SH3PXD2A: variants seen among roughly 807,000 people sequenced by gnomAD.
SH3PXD2A encodes the protein SH3 and PX domains 2A, also known as SH3 and PX domain-containing protein 2A.
A neutral mutation model predicts 115.2 loss-of-function variants in SH3PXD2A; 32 were observed. That is an observed-to-expected ratio of 0.28 (90% CI 0.21 to 0.37). The LOEUF (loss-of-function observed/expected upper bound fraction) is 0.37. Ranked by LOEUF, SH3PXD2A falls within the 10% of genes least tolerant of loss-of-function variation. SH3PXD2A has a pLI of 1.00. For missense variants in SH3PXD2A, 1,328 were observed against 1,498.7 expected (o/e 0.89, Z 1.88); for synonymous variants, 610 against 629.1 (o/e 0.97, Z 0.45).
chr10:103,727,940 GC>G (rs2038262608), intron 4 of SH3PXD2A, among the ~76,000 whole-genome samples: 1 of 152,256 alleles, frequency 6.6e-6, no homozygotes, highest in Admixed American at 6.5e-5. Flanking sequence ...AGTCCCCGCA[GC>G]CTGGGCTGGT....
intron 3 of SH3PXD2A, among the ~76,000 whole-genome samples, chr10:103,739,357 T>G (rs554119407): frequency 1.1e-4 from 16 of 152,348 alleles, no homozygotes; most frequent in African/African-American, 3.6e-4. Context: ...CAGCTGAGTT[T>G]TTGGAAGCCC....
In SH3PXD2A at chr10:103,784,673, G is replaced by C. The variant is rs2134244664; in HGVS notation, c.153+16609C>G. Among the ~76,000 whole-genome samples the C allele has an allele frequency of 6.6e-6, 1 of 152,198 alleles. No individual in the cohort carries two copies. The highest frequency in any genetic ancestry group is 1.5e-5 in the Non-Finnish European group (1 of 68,000). On this transcript the variant is annotated intron_variant, in intron 2 of 14. Transcript: ENST00000369774. This position sits in a 1 kb window ranked among gnomAD's most constrained non-coding sequence, Gnocchi z 4.4. ...GCAGGACAGTCCCAGTAAAAACTCG[G>C]GGGGTGCAGTGAGGAGGCAGGAGGA...
At chr10:103,820,728 A>C (rs2039370995) in intron 1 of SH3PXD2A, among the ~76,000 whole-genome samples, 1 of 150,228 alleles carries the variant, frequency 6.7e-6, no homozygotes, top group East Asian at 2.0e-4. Flanking sequence ...CCCCCAGATA[A>C]GGGGCGGGGG....
At chr10:103,686,745 A>ATTTTTTT (rs760028346) in intron 6 of SH3PXD2A, among the ~76,000 whole-genome samples, 1 of 128,574 alleles carries the variant, frequency 7.8e-6, no homozygotes. Flanking sequence ...TTGCTGGGGA[A>ATTTTTTT]TTTTTTTTTT....
At chr10:103,718,166 T>C (rs948815518) in intron 5 of SH3PXD2A, among the ~76,000 whole-genome samples, 1 of 151,956 alleles carries the variant, frequency 6.6e-6, no homozygotes, top group African/African-American at 2.4e-5. Flanking sequence ...CCACCATGCC[T>C]GGCTCATTTT....
At chr10:103,660,517 C>A (rs2037279167) in intron 8 of SH3PXD2A, among the ~76,000 whole-genome samples, 1 of 152,156 alleles carries the variant, frequency 6.6e-6, no homozygotes, top group African/African-American at 2.4e-5. Context: ...GCAGGCCTGG[C>A]CCTTCCACAA....
chr10:103,776,439 T>C (rs1257765955), intron 2 of SH3PXD2A, among the ~76,000 whole-genome samples: 1 of 102,942 alleles, frequency 9.7e-6, no homozygotes, highest in Non-Finnish European at 2.1e-5. Context: ...TGTGTGTCTG[T>C]GTGTGTGTGT....
intron 2 of SH3PXD2A, among the ~76,000 whole-genome samples, chr10:103,767,907 T>C (rs1251456773): frequency 4.1e-5 from 6 of 146,730 alleles, no homozygotes; most frequent in Non-Finnish European, 7.4e-5. Flanking sequence ...CCAGGGCCCC[T>C]TTGTGTGTGG....
In SH3PXD2A at chr10:103,602,099, C is replaced by A. The variant is rs1372585961; in HGVS notation, c.3119G>T (p.Gly1040Val). The change falls in exon 15 of 15, where the codon GGT (glycine) becomes GTT (valine). Residue 1040 changes from glycine (G) to valine (V), a missense_variant. Gly to Val is a moderately radical substitution (Grantham distance 109, BLOSUM62 -3). Around this residue, in one of 5 missense-constraint regions of SH3PXD2A, gnomAD observed 574 missense variants for 565.7 expected, o/e 1.01. Transcript: ENST00000369774. The part of the protein sequence containing the change: ...GRLAERAASQ[G>V]SDSPLLPAQR... ...GGCGGGCAGTAGGGGTGAGTCTGAACCCTGGCTGGCAGCCCGTTCGGCCAG... is the reference window on the plus strand; with the variant it reads ...GGCGGGCAGTAGGGGTGAGTCTGAAACCTGGCTGGCAGCCCGTTCGGCCAG... 1 of 1,592,954 alleles carries A rather than the reference C, an allele frequency of 6.3e-7. No homozygotes were observed. Among genetic ancestry groups the A allele is most frequent in the Non-Finnish European group, 8.6e-7 (1 of 1,167,300 alleles).
At chr10:103,678,090 G>A (rs1434077847) in intron 6 of SH3PXD2A, 2 of 1,283,860 alleles carry the variant, frequency 1.6e-6, no homozygotes, top group Non-Finnish European at 2.0e-6. Context: ...CCCCTAAGCA[G>A]TACAGTCTCT....
At chr10:103,701,554 A>G (rs1197525630) in intron 5 of SH3PXD2A, among the ~76,000 whole-genome samples, 1 of 144,264 alleles carries the variant, frequency 6.9e-6, no homozygotes, top group Non-Finnish European at 1.5e-5. Context: ...TCCACTACCC[A>G]TCCATCATCT....
chr10:103,605,680 G>T, intron 14 of SH3PXD2A, 118 bp downstream of exon 14: 1 of 1,295,580 alleles, frequency 7.7e-7, no homozygotes. Flanking sequence ...GCTCATTTCT[G>T]TACCTTTCCT....
At chr10:103,794,361 G>A (rs1361416152) in intron 2 of SH3PXD2A, among the ~76,000 whole-genome samples, 1 of 152,194 alleles carries the variant, frequency 6.6e-6, no homozygotes. Flanking sequence ...TTGACCCTGT[G>A]CACTCGCTGG....
At chr10:103,680,350 A>G (rs1003533105) in intron 6 of SH3PXD2A, among the ~76,000 whole-genome samples, 4 of 152,078 alleles carry the variant, frequency 2.6e-5, no homozygotes, top group African/African-American at 9.7e-5. Context: ...TGGTGCGATC[A>G]CCATTCACTG....
chr10:103,715,753 G>T (rs1361975135), intron 5 of SH3PXD2A, among the ~76,000 whole-genome samples: 2 of 152,224 alleles, frequency 1.3e-5, no homozygotes, highest in South Asian at 2.1e-4. Flanking sequence ...TCCCGAACAG[G>T]CCAGACCTGG....
chr10:103,681,089 A>G (rs989347843), intron 6 of SH3PXD2A, among the ~76,000 whole-genome samples: 9 of 152,190 alleles, frequency 5.9e-5, no homozygotes, highest in Non-Finnish European at 8.8e-5. Flanking sequence ...GCTGGACCAC[A>G]ATTTGGGTAT....
At chr10:103,813,115 GA>G (rs551422565) in intron 1 of SH3PXD2A, among the ~76,000 whole-genome samples, 7 of 151,410 alleles carry the variant, frequency 4.6e-5, no homozygotes, top group African/African-American at 1.2e-4. Context: ...CTTGAGAAAA[GA>G]AAAAAAAGAT....
At chr10:103,817,956 C>A (rs764974744) in intron 1 of SH3PXD2A, among the ~76,000 whole-genome samples, 1 of 152,072 alleles carries the variant, frequency 6.6e-6, no homozygotes, top group South Asian at 2.1e-4. Context: ...GCTAATGGGG[C>A]CTCTTTCTGG....
chr10:103,607,224 G>A (rs1465855123), intron 13 of SH3PXD2A, among the ~76,000 whole-genome samples: 2 of 148,736 alleles, frequency 1.3e-5, no homozygotes, highest in Admixed American at 6.7e-5. Flanking sequence ...CTGCCCAGCC[G>A]CCCCGTCTGG....
Sources: gnomAD v4.1 joint callset for allele counts (sites outside exome capture counted in the v4.1 genomes callset) on GRCh38, gnomAD v4.1.1 for gene constraint, gnomAD v4.1.1 regional missense constraint, Gnocchi (gnomAD v3.1) non-coding constraint, MANE v1.5 for transcripts, NCBI Gene and HGNC (gene_info 2026-07-23, HGNC 2026-07-21) for gene names.